The following NCAM2 variants were observed in gnomAD, a reference collection of about 807,000 sequenced individuals.
NCAM2 encodes the protein N-CAM-2.
Under a neutral mutation model 98.1 loss-of-function variants are expected in NCAM2, and 30 were observed. The observed-to-expected ratio is 0.31, with a 90% CI of 0.23 to 0.41. The LOEUF (loss-of-function observed/expected upper bound fraction) is 0.41. Ranked by LOEUF, NCAM2 falls within the 10% of genes least tolerant of loss-of-function variation. NCAM2 has a pLI of 1.00. For synonymous variants in NCAM2, 368 were observed against 342.4 expected, an observed-to-expected ratio of 1.07 and a Z score of -0.83; for missense variants, 867 against 1,005.8, an observed-to-expected ratio of 0.86 and a Z score of 1.87.
intron 6 of NCAM2, among the ~76,000 whole-genome samples, 191 bp downstream of exon 6, chr21:21,324,691 G>A (rs771425866): frequency 3.9e-5 from 6 of 151,948 alleles, no homozygotes; most frequent in Admixed American, 6.6e-5. Context: ...GTGTGACCCC[G>A]CTCTAATATT....
At chr21:21,020,621 A>G (rs187703425) in intron 1 of NCAM2, among the ~76,000 whole-genome samples, 74 of 152,288 alleles carry the variant, frequency 4.9e-4, no homozygotes, top group African/African-American at 1.6e-3. Flanking sequence ...AGTCGTGCCC[A>G]GAGGCTCAGC....
intron 8 of NCAM2, among the ~76,000 whole-genome samples, chr21:21,354,085 A>G (rs530037163): frequency 1.6e-4 from 24 of 152,266 alleles, no homozygotes; most frequent in African/African-American, 5.3e-4. Flanking sequence ...ATGTATATGA[A>G]TATAATGTTT....
chr21:21,062,240 T>G (rs1441499727), intron 1 of NCAM2, among the ~76,000 whole-genome samples: 2 of 152,200 alleles, frequency 1.3e-5, no homozygotes, highest in Non-Finnish European at 2.9e-5. Context: ...ATATTTAAAA[T>G]TACTTCCATC....
At chr21:21,376,854 G>A (rs1304360096) in intron 9 of NCAM2, among the ~76,000 whole-genome samples, 1 of 151,708 alleles carries the variant, frequency 6.6e-6, no homozygotes, top group Non-Finnish European at 1.5e-5. Context: ...TTTAAACAGG[G>A]ATGAAAGGTC....
At chr21:21,399,684 C>A (rs1013201036) in intron 9 of NCAM2, among the ~76,000 whole-genome samples, 2 of 152,126 alleles carry the variant, frequency 1.3e-5, no homozygotes, top group African/African-American at 4.8e-5. Context: ...ATATTCATGA[C>A]CTAGTGGAAA....
At chr21:21,062,446 A>C (rs967524822) in intron 1 of NCAM2, among the ~76,000 whole-genome samples, 7 of 152,212 alleles carry the variant, frequency 4.6e-5, no homozygotes, top group Non-Finnish European at 8.8e-5. Flanking sequence ...GTATTTTCAC[A>C]AATCCCAGTG....
In NCAM2 at chr21:21,543,030, T is replaced by C. The variant is rs1831483118; in HGVS notation, c.*5073T>C. 1 of 151,832 alleles carries C rather than the reference T, an allele frequency of 6.6e-6. No individual in the cohort carries two copies. The allele number at this position is 151,832 out of a possible 1,614,324, so 9.4% of individuals were successfully genotyped here. Reference sequence around the variant, plus strand: ...GGTTTTTTTAAAAAAAAAGCTTTTTTGGTATGTGAACTGTATGCTGTGCTC... The same window carrying C: ...GGTTTTTTTAAAAAAAAAGCTTTTTCGGTATGTGAACTGTATGCTGTGCTC... On this transcript the variant is annotated 3_prime_UTR_variant, in exon 18 of 18. Coordinates refer to ENST00000400546, the MANE Select transcript of NCAM2 (RefSeq NM_004540.5).
intron 1 of NCAM2, among the ~76,000 whole-genome samples, chr21:21,226,218 TG>T (rs1440349532): frequency 6.6e-6 from 1 of 152,074 alleles, no homozygotes; most frequent in Non-Finnish European, 1.5e-5. Context: ...CGTGCACTAC[TG>T]GGACGACAGG....
chr21:21,365,250 TGTGTGTG>T (rs2075757994), intron 8 of NCAM2, among the ~76,000 whole-genome samples: 1 of 151,182 alleles, frequency 6.6e-6, no homozygotes, highest in Admixed American at 6.6e-5. Flanking sequence ...TGTGTGTGTG[TGTGTGTG>T]TGTGTGTGTG....
chr21:21,389,689 G>A lies in NCAM2; in HGVS notation c.1195+15676G>A, dbSNP rs73232064. Among the ~76,000 whole-genome samples, 1,186 of 152,034 alleles carry A rather than the reference G, an allele frequency of 7.8e-3. 7 individuals carry two copies. The highest frequency in any genetic ancestry group is 0.011 in the Non-Finnish European group (747 of 67,974). On this transcript the variant is annotated intron_variant, in intron 9 of 17. Transcript: ENST00000400546. ...ATAAGTGAGAACATTGTCTTTTACC[G>A]CCTGACTTATTTCACTCAGTGTCCT...
chr21:21,497,059 G>A (rs912735037), intron 15 of NCAM2, among the ~76,000 whole-genome samples: 1 of 152,096 alleles, frequency 6.6e-6, no homozygotes, highest in African/African-American at 2.4e-5. Context: ...GTCCTTTGCA[G>A]CAACATAGAT....
At chr21:21,522,998 A>G (rs142352445) in intron 16 of NCAM2, among the ~76,000 whole-genome samples, 13 of 151,846 alleles carry the variant, frequency 8.6e-5, no homozygotes, top group African/African-American at 2.9e-4. Context: ...ATCATTTTTA[A>G]ATTGGACTTG....
chr21:21,233,682 T>C (rs533790739), intron 1 of NCAM2, among the ~76,000 whole-genome samples: 1 of 151,880 alleles, frequency 6.6e-6, no homozygotes, highest in African/African-American at 2.4e-5. Flanking sequence ...CATCACCCAC[T>C]ATAGATACAA....
intron 1 of NCAM2, among the ~76,000 whole-genome samples, chr21:21,277,983 G>T (rs551305391): frequency 2.6e-5 from 4 of 152,206 alleles, no homozygotes; most frequent in African/African-American, 9.6e-5. Flanking sequence ...GATGTTAGAG[G>T]AATATGTTTG....
intron 1 of NCAM2, among the ~76,000 whole-genome samples, chr21:21,151,979 C>T (rs7277355): frequency 0.97 from 147,435 of 152,056 alleles, 71,619 homozygotes; most frequent in East Asian, 1. Flanking sequence ...TATTAAGTTT[C>T]TTTGAATTTG....
chr21:21,343,695 A>G (rs2075110249), intron 8 of NCAM2, among the ~76,000 whole-genome samples: 1 of 152,220 alleles, frequency 6.6e-6, no homozygotes, highest in Admixed American at 6.5e-5. Flanking sequence ...AGCCCTAGCC[A>G]GAAAGGAATC....
rs536086724 is a variant in NCAM2, at chr21:21,432,056, T to C, written c.1481-52T>C. 11 of 1,544,470 alleles carry C rather than the reference T, an allele frequency of 7.1e-6. No homozygotes were observed. The East Asian group carries it at 2.3e-4, about 32-fold the overall frequency. ...CTCATAACACCATAAGCCTTAATAATGGCCATTCCCATTCCCTTGGTTATG... is the reference window on the plus strand; with the variant it reads ...CTCATAACACCATAAGCCTTAATAACGGCCATTCCCATTCCCTTGGTTATG... On this transcript the variant is annotated intron_variant, in intron 11 of 17. Transcript: ENST00000400546.
rs554431055 is a variant in NCAM2, at chr21:21,422,172, C to G, written c.1480+3603C>G. 4.1e-4 allele frequency among the ~76,000 whole-genome samples: 63 copies of G among 152,274 alleles called. 1 individual carries two copies. The highest frequency in any genetic ancestry group is 3.6e-3 in the Admixed American group (55 of 15,290). ...AGACAGAAACAGCAACCCAAACAGG[C>G]TTGTTGGAGGCCATTCACCTAAGTG... On this transcript the variant is annotated intron_variant, in intron 11 of 17. Transcript: ENST00000400546.
intron 5 of NCAM2, among the ~76,000 whole-genome samples, chr21:21,299,389 A>G (rs910375781): frequency 6.6e-6 from 1 of 151,726 alleles, no homozygotes; most frequent in Non-Finnish European, 1.5e-5. Flanking sequence ...TGAAAGTAAT[A>G]AAGCAGAGAG....
Sources: allele counts gnomAD v4.1 joint callset (sites outside exome capture counted in the v4.1 genomes callset), GRCh38; gene constraint gnomAD v4.1.1; transcripts MANE v1.5; gene names NCBI Gene and HGNC (gene_info 2026-07-23, HGNC 2026-07-21).